The following PCDH19 variants were observed in gnomAD, a reference collection of about 807,000 sequenced individuals.
PCDH19 encodes the protein protocadherin-19.
In PCDH19, 6 loss-of-function variants were observed where a neutral mutation model predicts 46.2. The observed-to-expected ratio is 0.13, with a 90% CI of 0.07 to 0.26. The LOEUF (loss-of-function observed/expected upper bound fraction) is 0.26, where lower values mean the gene tolerates loss of function less well. Ranked by LOEUF, PCDH19 falls within the 10% of genes least tolerant of loss-of-function variation. The probability of loss-of-function intolerance (pLI) is 1.00; values close to 1 mark genes in which losing one functional copy is unlikely to be tolerated. For synonymous variants in PCDH19, 481 were observed against 415.7 expected (o/e 1.16, Z -1.91); for missense variants, 740 against 972.3 (o/e 0.76, Z 3.18).
At position 100,409,501 on chromosome X, in the gene PCDH19, G is replaced by A. The variant is rs1272814572; in HGVS notation, c.-904C>T. The A allele has an allele frequency of 3.3e-5, 4 of 121,371 alleles. No homozygotes were observed. Among genetic ancestry groups the A allele is most frequent in the Admixed American group, 1.8e-4 (2 of 10,840 alleles). 10.0% of individuals were successfully genotyped at this position (121,371 alleles called of 1,213,427 possible). On this transcript the variant is annotated 5_prime_UTR_variant, in exon 1 of 6. Coordinates refer to ENST00000373034, the MANE Select transcript of PCDH19 (RefSeq NM_001184880.2). Reference sequence around the variant, plus strand: ...GAAATCAAAGTTAACAACGCAGTCCGACCCTCCACGTCAAGTTTGTGGAAA... The same window carrying A: ...GAAATCAAAGTTAACAACGCAGTCCAACCCTCCACGTCAAGTTTGTGGAAA...
At chrX:100,394,023 C>T (rs1159663042) in intron 3 of PCDH19, among the ~76,000 whole-genome samples, 8 of 111,565 alleles carry the variant, frequency 7.2e-5, no homozygotes, top group Non-Finnish European at 1.5e-4. Context: ...AAAAGTTAGC[C>T]GGGCATAGTG....
At chrX:100,370,993 A>ATG (rs59834814) in intron 3 of PCDH19, among the ~76,000 whole-genome samples, 45,468 of 97,928 alleles carry the variant, frequency 0.46, 8,466 homozygotes, top group African/African-American at 0.5. Context: ...GTGTGTGTGC[A>ATG]TGTGTGTGTG....
At chrX:100,366,059 T>A (rs1254725899) in intron 3 of PCDH19, among the ~76,000 whole-genome samples, 3 of 111,941 alleles carry the variant, frequency 2.7e-5, no homozygotes, top group African/African-American at 9.7e-5. Flanking sequence ...GGATGTATGA[T>A]CCACCCAAGG....
At position 100,408,151 on chromosome X, in the gene PCDH19, C is replaced by A. The variant is rs1193211185; in HGVS notation, c.447G>T (p.Pro149=). Residue 149 remains proline (P), a synonymous_variant, in exon 1 of 6, where the codon CCG becomes CCT. Transcript: ENST00000373034. ...SEAASPGTRI[P]LDSAYDPDSG... ...AGTCTGGATCGTAAGCGCTGTCCAG[C>A]GGGATGCGCGTGCCAGGGCTGGCTG... The A allele has an allele frequency of 1.7e-6, 2 of 1,210,681 alleles. No homozygotes were observed. The highest frequency in any genetic ancestry group is 3.5e-5 in the African/African-American group (2 of 57,540).
chrX:100,371,324 A>G (rs1320710586), intron 3 of PCDH19, among the ~76,000 whole-genome samples: 1 of 111,524 alleles, frequency 9.0e-6, no homozygotes, highest in Non-Finnish European at 1.9e-5. Context: ...TACTACTTCC[A>G]TCACACTTAT....
In PCDH19 at chrX:100,408,500, T is replaced by A; in HGVS notation, c.98A>T (p.Gln33Leu). 8.3e-7 allele frequency: 1 copy of A among 1,202,547 alleles called. No homozygotes were observed. The highest frequency in any genetic ancestry group is 1.1e-6 in the Non-Finnish European group (1 of 893,131). The change falls in exon 1 of 6, where the codon CAG becomes CTG. Residue 33 changes from glutamine to leucine, a missense_variant. Physicochemically the swap from Gln to Leu is moderately radical, Grantham distance 113. This residue lies in a region of PCDH19 where 81 missense variants were observed against 96.5 expected (regional missense o/e 0.84). Transcript: ENST00000373034. The part of the protein sequence containing the change: ...INLKYSVEEE[Q>L]RAGTVIANVA... The stretch of plus-strand genomic sequence containing the variant: ...GTTGGCAATCACCGTCCCGGCGCGC[T>A]GCTCCTCTTCTACCGAGTACTTGAG...
At chrX:100,365,924 T>A (rs931937401) in intron 3 of PCDH19, among the ~76,000 whole-genome samples, 1 of 112,079 alleles carries the variant, frequency 8.9e-6, no homozygotes, top group African/African-American at 3.2e-5. Flanking sequence ...ACTCAAAGTC[T>A]TGTCAACTAA....
At chrX:100,316,306 G>A (rs1010145798) in intron 5 of PCDH19, among the ~76,000 whole-genome samples, 3 of 112,152 alleles carry the variant, frequency 2.7e-5, no homozygotes, top group African/African-American at 6.5e-5. Flanking sequence ...TAATAGGAAC[G>A]AATATCATTG....
At chrX:100,357,612 A>G (rs1926755187) in intron 3 of PCDH19, among the ~76,000 whole-genome samples, 1 of 112,095 alleles carries the variant, frequency 8.9e-6, no homozygotes, top group African/African-American at 3.2e-5. Flanking sequence ...CATTAAATCT[A>G]CATGAAGTCC....
At chrX:100,367,590 A>T (rs1181210162) in intron 3 of PCDH19, among the ~76,000 whole-genome samples, 1 of 111,672 alleles carries the variant, frequency 9.0e-6, no homozygotes, top group Non-Finnish European at 1.9e-5. Flanking sequence ...ACAAGACAGA[A>T]GATGGAAGGA....
chrX:100,322,862 TA>T lies in PCDH19; in HGVS notation c.2848+19040del, dbSNP rs1569291859. Among the ~76,000 whole-genome samples the T allele has an allele frequency of 3.3e-3, 215 of 64,611 alleles. 17 individuals carry two copies. Among genetic ancestry groups the T allele is most frequent in the African/African-American group, 0.015 (199 of 13,442 alleles). The allele number at this position is 64,611 out of a possible 115,157, so 56.1% of individuals were successfully genotyped here. On this transcript the variant is annotated intron_variant, in intron 5 of 5. Transcript: ENST00000373034. Reference sequence around the variant, plus strand: ...ATATATATATATATATATATATATATATATTTTTGCAGCTATTGTAAAAGGG... The same window carrying T: ...ATATATATATATATATATATATATATTATTTTTGCAGCTATTGTAAAAGGG...
At chrX:100,389,799 A>T (rs905757338) in intron 3 of PCDH19, among the ~76,000 whole-genome samples, 1 of 111,900 alleles carries the variant, frequency 8.9e-6, no homozygotes. Context: ...ACTTGTAGAT[A>T]TATAGACATT....
At chrX:100,385,952 A>G (rs1927703148) in intron 3 of PCDH19, among the ~76,000 whole-genome samples, 1 of 112,061 alleles carries the variant, frequency 8.9e-6, no homozygotes, top group Non-Finnish European at 1.9e-5. Flanking sequence ...AAATAGAATG[A>G]TCTCAACTAA....
chrX:100,408,715 G>A lies in PCDH19; in HGVS notation c.-118C>T. The A allele has an allele frequency of 1.6e-6, 1 of 610,684 alleles. No homozygotes were observed. Among genetic ancestry groups the A allele is most frequent in the Non-Finnish European group, 2.4e-6 (1 of 411,223 alleles). The allele number at this position is 610,684 out of a possible 1,213,427, so 50.3% of individuals were successfully genotyped here. A position where few individuals can be genotyped will look rare whatever the true frequency, so the allele number is the denominator to read the frequency against. On this transcript the variant is annotated 5_prime_UTR_variant, in exon 1 of 6. Coordinates refer to ENST00000373034, the MANE Select transcript of PCDH19 (RefSeq NM_001184880.2). The stretch of plus-strand genomic sequence containing the variant: ...GTTGCGCGCGCCCCGTGGCCCCGGA[G>A]GCCGCGGGAGAAGTCCCGCCCAGGG...
intron 5 of PCDH19, among the ~76,000 whole-genome samples, chrX:100,325,727 CA>C (rs1273996688): frequency 1.8e-5 from 2 of 112,252 alleles, no homozygotes; most frequent in African/African-American, 6.5e-5. Flanking sequence ...TTGGGGAAGG[CA>C]AAAAGTATGC....
intron 3 of PCDH19, 94 bp from the exon 4 acceptor site, chrX:100,350,798 A>C (rs1926546919): frequency 1.7e-6 from 1 of 601,721 alleles, no homozygotes; most frequent in Admixed American, 2.6e-5. Flanking sequence ...CTTCTGGGTC[A>C]AGAAGCAGTG....
chrX:100,296,904 C>A, intron 5 of PCDH19, 29 bp from the exon 6 acceptor site: 1 of 1,143,411 alleles, frequency 8.7e-7, no homozygotes, highest in Non-Finnish European at 1.2e-6. Context: ...ATATCAATTT[C>A]ATCAGCTTTT....
intron 5 of PCDH19, among the ~76,000 whole-genome samples, chrX:100,334,647 C>T (rs1399872657): frequency 1.8e-5 from 2 of 110,527 alleles, no homozygotes; most frequent in African/African-American, 6.6e-5. Flanking sequence ...CATGATACCC[C>T]TAATCATGCA....
chrX:100,350,329 T>G (rs1160285433), intron 4 of PCDH19, among the ~76,000 whole-genome samples: 2 of 111,894 alleles, frequency 1.8e-5, no homozygotes, highest in Non-Finnish European at 3.8e-5. Context: ...TAGTGAATAT[T>G]TGTAATATCA....
Sources: gnomAD v4.1 joint callset for allele counts (sites outside exome capture counted in the v4.1 genomes callset) on GRCh38, gnomAD v4.1.1 for gene constraint, gnomAD v4.1.1 regional missense constraint, MANE v1.5 for transcripts, NCBI Gene and HGNC (gene_info 2026-07-23, HGNC 2026-07-21) for gene names.